The following DNAH6 variants were observed in gnomAD, a reference collection of about 807,000 sequenced individuals.
DNAH6 encodes axonemal beta dynein heavy chain 6.
A neutral mutation model predicts 491.4 loss-of-function variants in DNAH6; 340 were observed. The ratio of observed to expected loss-of-function variants is 0.69; its 90% CI spans 0.63 to 0.76. The LOEUF (loss-of-function observed/expected upper bound fraction) is 0.76. DNAH6 is among the 30% of genes least tolerant of loss of function. The probability of loss-of-function intolerance (pLI) is 0.00; values close to 1 mark genes in which losing one functional copy is unlikely to be tolerated. For synonymous variants in DNAH6, 1,603 were observed against 1,686.1 expected (o/e 0.95, Z 1.21); for missense variants, 4,443 against 4,972.2 (o/e 0.89, Z 3.20).
In DNAH6 at chr2:84,517,833, T is replaced by C; in HGVS notation, c.7T>C (p.Phe3Leu). 1 of 1,550,776 alleles carries C rather than the reference T, an allele frequency of 6.4e-7. No homozygotes were observed. Among genetic ancestry groups the C allele is most frequent in the Non-Finnish European group, 8.7e-7 (1 of 1,146,816 alleles). The change falls in exon 2 of 77, where the codon TTT becomes CTT. Residue 3 changes from phenylalanine (F) to leucine (L), a missense_variant. By Grantham distance (22) the Phe-to-Leu change is conservative. Around this residue, in one of 3 missense-constraint regions of DNAH6, gnomAD observed 2,977 missense variants for 3,296.6 expected, o/e 0.90. Transcript: ENST00000389394. ...ATTCTTTTCAGGAGTAAGGATGACT[T>C]TTCGGGCCACAGATAGTGAATTTGA... MT[F>L]RATDSEFDLT...
intron 47 of DNAH6, among the ~76,000 whole-genome samples, chr2:84,699,195 GA>G (rs537801217): frequency 0.038 from 5,472 of 144,114 alleles, 148 homozygotes; most frequent in South Asian, 0.065. Context: ...AGTTGAAAAA[GA>G]AAAAAAAAAA....
intron 29 of DNAH6, among the ~76,000 whole-genome samples, chr2:84,625,554 A>T (rs920478404): frequency 6.6e-6 from 1 of 152,192 alleles, no homozygotes; most frequent in Non-Finnish European, 1.5e-5. Context: ...GCTTTTGTTC[A>T]TATGGGTTAC....
At chr2:84,683,716 C>A (rs1183892184) in intron 42 of DNAH6, among the ~76,000 whole-genome samples, 2 of 152,074 alleles carry the variant, frequency 1.3e-5, no homozygotes, top group Non-Finnish European at 2.9e-5. Flanking sequence ...AGCCACTGCG[C>A]CCGGCCAATA....
chr2:84,697,659 G>C lies in DNAH6; in HGVS notation c.7609G>C (p.Glu2537Gln), dbSNP rs73943384. ...TAATTTATTTGAAAAGGATGAACTG[G>C]AGCAGGTTTTAGCGGCCACCAGACC... The part of the protein sequence containing the change: ...VPNLFEKDEL[E>Q]QVLAATRPRA... Residue 2537 changes from glutamate to glutamine, a missense_variant, in exon 47 of 77, where the codon GAG (glutamate) becomes CAG (glutamine). Around this residue, in one of 3 missense-constraint regions of DNAH6, gnomAD observed 2,977 missense variants for 3,296.6 expected, o/e 0.90. Coordinates refer to ENST00000389394, the MANE Select transcript of DNAH6 (RefSeq NM_001370.2). 1.8e-3 allele frequency: 2,801 copies of C among 1,551,966 alleles called. 37 individuals are homozygous for C. The African/African-American group carries it at 0.035, about 19-fold the overall frequency.
upstream of DNAH6, among the ~76,000 whole-genome samples, chr2:84,515,375 T>G (rs1421616515): frequency 1.3e-5 from 2 of 152,192 alleles, no homozygotes; most frequent in Non-Finnish European, 2.9e-5. Flanking sequence ...TGACCTGGAG[T>G]AAAGCACTTG....
chr2:84,572,348 C>T (rs1002346274), intron 11 of DNAH6, among the ~76,000 whole-genome samples: 1 of 152,146 alleles, frequency 6.6e-6, no homozygotes. Context: ...TCTTGTGAAT[C>T]ATACATTGTT....
intron 4 of DNAH6, among the ~76,000 whole-genome samples, chr2:84,536,505 T>C (rs1309308133): frequency 1.3e-5 from 2 of 152,114 alleles, no homozygotes; most frequent in African/African-American, 4.8e-5. Context: ...GAATAACTTC[T>C]GTGTTTGAGA....
chr2:84,605,814 C>T (rs764828361), intron 20 of DNAH6, among the ~76,000 whole-genome samples: 1 of 152,022 alleles, frequency 6.6e-6, no homozygotes, highest in African/African-American at 2.4e-5. Flanking sequence ...GAGTTGCAAC[C>T]TGTAGTTGGT....
the DNAH6 span, among the ~76,000 whole-genome samples, chr2:84,509,765 G>A: frequency 1.3e-5 from 2 of 152,144 alleles, 1 homozygote; most frequent in South Asian, 4.1e-4. Flanking sequence ...TTTAGGGCAG[G>A]CCTGGTGGTG....
rs371090965 is a variant in DNAH6 at position 84,529,085 on chromosome 2, G to A, written c.581G>A (p.Arg194His). ...RDPLQIIKII[R>H]ENEHLGFLYM... ...CCCTTGCAAATCATTAAAATAATAC[G>A]TGAAAATGAACATCTTGGATTTCTT... The change falls in exon 4 of 77, where the codon CGT becomes CAT. Residue 194 changes from arginine (R) to histidine (H), a missense_variant. By Grantham distance (29) the Arg-to-His change is conservative. Around this residue, in one of 3 missense-constraint regions of DNAH6, gnomAD observed 2,977 missense variants for 3,296.6 expected, o/e 0.90. Coordinates refer to ENST00000389394, the MANE Select transcript of DNAH6 (RefSeq NM_001370.2). The A allele has an allele frequency of 3.2e-5, 49 of 1,550,636 alleles. No homozygotes were observed. Among genetic ancestry groups the A allele is most frequent in the African/African-American group, 2.6e-4 (19 of 72,892 alleles).
intron 9 of DNAH6, 41 bp downstream of exon 9, chr2:84,550,098 T>C (rs768849929): frequency 1.3e-6 from 2 of 1,526,670 alleles, no homozygotes; most frequent in African/African-American, 2.8e-5. Flanking sequence ...TTGGTCAGCA[T>C]TTATTGAGGA....
chr2:84,510,113 T>C, the DNAH6 span, among the ~76,000 whole-genome samples: 3 of 152,258 alleles, frequency 2.0e-5, no homozygotes, highest in African/African-American at 7.2e-5. Flanking sequence ...TGAATTTGAA[T>C]GTTGGCCTGC....
intron 17 of DNAH6, 75 bp from the exon 18 acceptor site, chr2:84,595,571 G>A: frequency 1.5e-6 from 2 of 1,318,210 alleles, no homozygotes; most frequent in South Asian, 1.7e-5. Context: ...ACTTTTAAAA[G>A]TTTTTTTAGT....
chr2:84,794,214 C>A (rs1370325227), intron 68 of DNAH6, among the ~76,000 whole-genome samples: 2 of 152,114 alleles, frequency 1.3e-5, no homozygotes, highest in African/African-American at 4.8e-5. Flanking sequence ...GACCTAAAAC[C>A]ATAAAAACGC....
chr2:84,564,366 T>C (rs531458392), intron 11 of DNAH6, among the ~76,000 whole-genome samples: 4 of 152,142 alleles, frequency 2.6e-5, no homozygotes, highest in Non-Finnish European at 5.9e-5. Context: ...ATTTCAGCAG[T>C]GTTTTGTAGT....
rs1357606505 is a variant in DNAH6, at chr2:84,703,553, T to C, written c.8220T>C (p.Ser2740=). The C allele has an allele frequency of 6.4e-7, 1 of 1,550,824 alleles. No homozygotes were observed. The stretch of plus-strand genomic sequence containing the variant: ...AAAAATTGGCAGTGGATCAAGAAAG[T>C]GCCGATCAGGTATGCTGCAGTTCCT... ...LMEKLAVDQE[S]ADQVRNTVQE... The change falls in exon 50 of 77, where the codon AGT becomes AGC. Residue 2740 remains serine (S), a synonymous_variant. Coordinates refer to ENST00000389394, the MANE Select transcript of DNAH6 (RefSeq NM_001370.2).
At chr2:84,581,836 G>A (rs1056532134) in intron 14 of DNAH6, among the ~76,000 whole-genome samples, 3 of 152,212 alleles carry the variant, frequency 2.0e-5, no homozygotes, top group Non-Finnish European at 4.4e-5. Flanking sequence ...AGGGGACAGT[G>A]AGAGGAGAAT....
intron 63 of DNAH6, chr2:84,751,143 A>G (rs1255828961): frequency 2.6e-5 from 4 of 152,264 alleles, no homozygotes; most frequent in Non-Finnish European, 5.9e-5. Flanking sequence ...GATGCCAAAG[A>G]ACAACTTGCT....
chr2:84,782,600 C>T (rs1305125317), intron 65 of DNAH6, among the ~76,000 whole-genome samples: 1 of 152,322 alleles, frequency 6.6e-6, no homozygotes, highest in East Asian at 1.9e-4. Context: ...CACCCACAAG[C>T]CTTCTGCAGG....
Sources: gnomAD v4.1 joint callset for allele counts (sites outside exome capture counted in the v4.1 genomes callset) on GRCh38, gnomAD v4.1.1 for gene constraint, gnomAD v4.1.1 regional missense constraint, MANE v1.5 for transcripts, NCBI Gene and HGNC (gene_info 2026-07-23, HGNC 2026-07-21) for gene names.